The following NSF variants were observed in gnomAD, a reference collection of about 807,000 sequenced individuals.
NSF encodes vesicle-fusing ATPase.
In NSF, 14 loss-of-function variants were observed where a neutral mutation model predicts 50.3. That is an observed-to-expected ratio of 0.28 (90% CI 0.18 to 0.44). The LOEUF (loss-of-function observed/expected upper bound fraction) is 0.44. Among genes scored for constraint, NSF ranks in the 20% least tolerant of loss-of-function variants. The pLI, the probability that NSF is intolerant of heterozygous loss-of-function variation, is 1.00. For synonymous variants in NSF, 109 were observed against 175.7 expected (o/e 0.62, Z 3.00); for missense variants, 218 against 504.3 (o/e 0.43, Z 5.44).
At chr17:46,755,688 G>C (rs1189964309) in intron 20 of NSF, 114 bp from the exon 21 acceptor site, 8 of 1,180,184 alleles carry the variant, frequency 6.8e-6, no homozygotes, top group Non-Finnish European at 9.5e-6. Context: ...TGCATAGTGG[G>C]AAATGTAGGA....
chr17:46,733,472 A>G (rs1197471395), intron 17 of NSF, among the ~76,000 whole-genome samples: 1 of 152,144 alleles, frequency 6.6e-6, no homozygotes. Context: ...CTCACTGTTT[A>G]ATGCTGGGTT....
At chr17:46,742,730 C>A (rs1222677790) in intron 17 of NSF, among the ~76,000 whole-genome samples, 1 of 152,072 alleles carries the variant, frequency 6.6e-6, no homozygotes, top group Non-Finnish European at 1.5e-5. Flanking sequence ...GTGTGCCAGG[C>A]ATGCCATGCT....
intron 17 of NSF, among the ~76,000 whole-genome samples, chr17:46,748,418 C>G (rs1175270203): frequency 6.6e-6 from 1 of 152,152 alleles, no homozygotes; most frequent in Non-Finnish European, 1.5e-5. Context: ...GGCCTCTAAC[C>G]TTATTTTTTA....
At chr17:46,724,629 A>G (rs1399943405) in intron 15 of NSF, among the ~76,000 whole-genome samples, 1 of 152,204 alleles carries the variant, frequency 6.6e-6, no homozygotes, top group Non-Finnish European at 1.5e-5. Flanking sequence ...CTAGCCTAAT[A>G]ATGTCATGCT....
Position 46,751,509 on chromosome 17 carries a change from G to T in NSF, c.2050G>T (p.Gly684Cys). 1 of 1,613,226 alleles carries T rather than the reference G, an allele frequency of 6.2e-7. No homozygotes were observed. The highest frequency in any genetic ancestry group is 8.5e-7 in the Non-Finnish European group (1 of 1,179,406). ...EQLLEALELLGNFKDKERTTI... is the reference protein window; with the variant it reads ...EQLLEALELLCNFKDKERTTI... ...TTGTTTATTGTTTTTGTAGCTTTTG[G>T]GCAACTTCAAGGATAAGGAACGCAC... Residue 684 changes from glycine (G) to cysteine (C), a missense_variant, in exon 19 of 21, where the codon GGC (glycine) becomes TGC (cysteine). Physicochemically the swap from Gly to Cys is radical, Grantham distance 159. This residue lies in a region of NSF where 209 missense variants were observed against 320.9 expected (regional missense o/e 0.65). Coordinates refer to ENST00000398238, the MANE Select transcript of NSF (RefSeq NM_006178.4).
chr17:46,691,314 G>A (rs2058543579), intron 9 of NSF, among the ~76,000 whole-genome samples: 1 of 81,862 alleles, frequency 1.2e-5, no homozygotes, highest in East Asian at 3.6e-4. Flanking sequence ...CAAAGATTAG[G>A]CTGGGCATGG....
At chr17:46,721,216 G>A (rs753584398) in intron 15 of NSF, among the ~76,000 whole-genome samples, 5 of 152,170 alleles carry the variant, frequency 3.3e-5, no homozygotes, top group African/African-American at 9.7e-5. Flanking sequence ...AGCCTGTGTC[G>A]TACCTCCACC....
chr17:46,754,156 T>TC lies in NSF; in HGVS notation c.2158-1158_2158-1157insC, dbSNP rs1484999221. ...ACTGCGCTCCAGCCAGTTCTTTTTT[T>TC]TTTTTTTTTTTTAAGAACTTGACAA... On this transcript the variant is annotated intron_variant, in intron 19 of 20. Coordinates refer to ENST00000398238, the MANE Select transcript of NSF (RefSeq NM_006178.4). Among the ~76,000 whole-genome samples, 3 of 151,180 alleles carry TC rather than the reference T, an allele frequency of 2.0e-5. No homozygotes were observed. In the South Asian group the frequency reaches 6.3e-4, roughly 32 times the overall value.
chr17:46,703,701 A>C lies in NSF; in HGVS notation c.1375-1058A>C, dbSNP rs1472969507. Among the ~76,000 whole-genome samples the C allele has an allele frequency of 2.7e-5, 4 of 148,594 alleles. 1 individual carries two copies. Among genetic ancestry groups the C allele is most frequent in the African/African-American group, 1.0e-4 (4 of 40,124 alleles). On this transcript the variant is annotated intron_variant, in intron 12 of 20. Transcript: ENST00000398238. The stretch of plus-strand genomic sequence containing the variant: ...GTCTCAAAAAAAAAAAAAAAAAAAA[A>C]AAACAAAAAACAGAAAACCATAAAA...
intron 1 of NSF, among the ~76,000 whole-genome samples, chr17:46,599,979 G>T: frequency 2.5e-5 from 2 of 81,390 alleles, no homozygotes; most frequent in South Asian, 4.4e-4. Flanking sequence ...TTTTTTAGAG[G>T]CTGAGTCTCA....
chr17:46,747,349 C>T (rs899019338), intron 17 of NSF, among the ~76,000 whole-genome samples: 3 of 152,156 alleles, frequency 2.0e-5, no homozygotes, highest in East Asian at 1.9e-4. Context: ...GGTGCCATCT[C>T]GGCTCACTCC....
At chr17:46,739,370 C>CAAAAAAA in intron 17 of NSF, among the ~76,000 whole-genome samples, 1 of 53,188 alleles carries the variant, frequency 1.9e-5, no homozygotes, top group Non-Finnish European at 3.0e-5. Flanking sequence ...GACTCTGTCT[C>CAAAAAAA]AAAAAAAAAA....
At chr17:46,635,843 G>A (rs1461588385) in intron 4 of NSF, among the ~76,000 whole-genome samples, 1 of 131,420 alleles carries the variant, frequency 7.6e-6, no homozygotes, top group African/African-American at 2.8e-5. Flanking sequence ...CCTTATTGAA[G>A]AGTAGCAATA....
At chr17:46,726,402 A>T in intron 15 of NSF, 147 bp from the exon 16 acceptor site, 1 of 739,164 alleles carries the variant, frequency 1.4e-6, no homozygotes, top group Non-Finnish European at 2.4e-6. Context: ...GCGGTGATCC[A>T]GTGTGTCAAT....
chr17:46,724,672 C>G (rs2058868597), intron 15 of NSF, among the ~76,000 whole-genome samples: 1 of 152,216 alleles, frequency 6.6e-6, no homozygotes, highest in Admixed American at 6.5e-5. Flanking sequence ...GCTTCCCCAA[C>G]TCTAACTTTT....
intron 18 of NSF, among the ~76,000 whole-genome samples, chr17:46,751,278 G>A (rs1171325069): frequency 3.9e-5 from 6 of 152,026 alleles, no homozygotes; most frequent in Non-Finnish European, 8.8e-5. Context: ...GTTACATAGC[G>A]GTCCATAAGA....
intron 9 of NSF, among the ~76,000 whole-genome samples, chr17:46,691,729 A>AT (rs2058548292): frequency 6.6e-6 from 1 of 151,518 alleles, no homozygotes; most frequent in Admixed American, 6.6e-5. Flanking sequence ...GGTTATGTTC[A>AT]TTTTTTACCA....
At chr17:46,735,205 G>C (rs2146308573) in intron 17 of NSF, among the ~76,000 whole-genome samples, 1 of 152,196 alleles carries the variant, frequency 6.6e-6, no homozygotes, top group East Asian at 1.9e-4. Flanking sequence ...TAAATTATAA[G>C]ATATATATGC....
At chr17:46,713,062 G>T (rs1365675171) in intron 14 of NSF, 2 of 152,256 alleles carry the variant, frequency 1.3e-5, no homozygotes, top group African/African-American at 4.8e-5. Context: ...AGCAGCCAGT[G>T]TAAATAATTA....
Sources: allele counts gnomAD v4.1 joint callset (sites outside exome capture counted in the v4.1 genomes callset), GRCh38; gene constraint gnomAD v4.1.1; regional missense constraint gnomAD v4.1.1; transcripts MANE v1.5; gene names NCBI Gene and HGNC (gene_info 2026-07-23, HGNC 2026-07-21).